Variants in CROCC2 observed in about 807,000 individuals in gnomAD.
The protein encoded by CROCC2 is ciliary rootlet coiled-coil, rootletin family member 2.
CROCC2 carries 163 observed loss-of-function variants against 177.6 expected under a neutral mutation model. The ratio of observed to expected loss-of-function variants is 0.92; its 90% confidence interval spans 0.81 to 1.05. The LOEUF is 1.05. Ranked by LOEUF, CROCC2 falls within the 50% of genes least tolerant of loss-of-function variation. CROCC2 has a pLI of 0.00. For missense variants in CROCC2, 1,929 were observed against 1,797.8 expected, an observed-to-expected ratio of 1.07 and a Z score of -1.32; for synonymous variants, 904 against 787.3, an observed-to-expected ratio of 1.15 and a Z score of -2.48.
rs2059609926 is a variant in CROCC2, at chr2:240,958,695, G to C, written c.2944-606G>C. Reference sequence around the variant, plus strand: ...TCATGTTGAGGACACTGAGGCCCAGGAAGCTGAGACCCCCTGAGCCCCATC... The same window carrying C: ...TCATGTTGAGGACACTGAGGCCCAGCAAGCTGAGACCCCCTGAGCCCCATC... On this transcript the variant is annotated intron_variant, in intron 19 of 31. Transcript: ENST00000690015. The surrounding 1 kb of genome is among the most constrained non-coding windows in gnomAD (Gnocchi z 6.7). 1.1e-5 allele frequency: 7 copies of C among 648,632 alleles called. No individual in the cohort carries two copies. Among genetic ancestry groups the C allele is most frequent in the Non-Finnish European group, 1.3e-5 (7 of 521,914 alleles). 40.2% of individuals were successfully genotyped at this position (648,632 alleles called of 1,614,324 possible).
Position 240,950,481 on chromosome 2 carries a change from C to T in CROCC2, c.2800C>T (p.Leu934Phe). The change falls in exon 18 of 32, where the codon CTT becomes TTT. Residue 934 changes from leucine to phenylalanine, a missense_variant. By Grantham distance (22) the Leu-to-Phe change is conservative. Transcript: ENST00000690015. ...QSLKQERDES[L>F]LQLEHKMQQA... Reference sequence around the variant, plus strand: ...CCTGAAGCAGGAGCGGGACGAGAGCCTTCTCCAACTGGAGCACAAGATGCA... The same window carrying T: ...CCTGAAGCAGGAGCGGGACGAGAGCTTTCTCCAACTGGAGCACAAGATGCA... The T allele has an allele frequency of 6.5e-7, 1 of 1,550,030 alleles. No homozygotes were observed. Among genetic ancestry groups the T allele is most frequent in the Non-Finnish European group, 8.7e-7 (1 of 1,146,692 alleles).
chr2:240,928,353 G>A (rs1019573241), intron 5 of CROCC2, among the ~76,000 whole-genome samples: 3 of 151,948 alleles, frequency 2.0e-5, no homozygotes, highest in Admixed American at 6.6e-5. Context: ...TTTTTTCTCT[G>A]TTTAACTCCG....
At position 240,937,196 on chromosome 2, in the gene CROCC2, G is replaced by A. The variant is rs536586429; in HGVS notation, c.2169+1608G>A. Among the ~76,000 whole-genome samples the A allele has an allele frequency of 5.3e-5, 8 of 152,166 alleles. No homozygotes were observed. In the East Asian group the frequency reaches 1.5e-3, roughly 29 times the overall value. ...GGTATTGTCTGTTTTTTTGGGTTTT[G>A]TTTTTTGTTTTTTTAGCTATTCTGT... is the stretch of plus-strand genomic sequence containing the variant. On this transcript the variant is annotated intron_variant, in intron 14 of 31. Coordinates refer to ENST00000690015, the MANE Select transcript of CROCC2 (RefSeq NM_001351305.2).
In CROCC2 at chr2:240,967,412, G is replaced by A. The variant is rs536684142; in HGVS notation, c.4214G>A (p.Arg1405Gln). The A allele has an allele frequency of 3.7e-4, 393 of 1,071,184 alleles. No individual in the cohort carries two copies. Among genetic ancestry groups the A allele is most frequent in the African/African-American group, 1.1e-3 (71 of 63,964 alleles). The allele number at this position is 1,071,184 out of a possible 1,614,324, so 66.4% of individuals were successfully genotyped here. A position where few individuals can be genotyped will look rare whatever the true frequency, so the allele number is the denominator to read the frequency against. Residue 1405 changes from arginine (R) to glutamine (Q), a missense_variant, in exon 26 of 32, where the codon CGG becomes CAG. This residue lies in a region of CROCC2 where 388 missense variants were observed against 352.7 expected (regional missense o/e 1.10). Transcript: ENST00000690015. ...RLSEAECRCA[R>Q]AQSRVGQLQK... Reference sequence around the variant, plus strand: ...AGCGAGGCAGAGTGCAGGTGTGCCCGGGCCCAGAGCCGCGTGGGGCAGCTG... The same window carrying A: ...AGCGAGGCAGAGTGCAGGTGTGCCCAGGCCCAGAGCCGCGTGGGGCAGCTG...
chr2:240,965,586 C>T (rs2059676370), intron 23 of CROCC2, 50 bp from the exon 24 acceptor site: 1 of 1,549,376 alleles, frequency 6.5e-7, no homozygotes, highest in African/African-American at 1.4e-5. Flanking sequence ...GGAGGCCCAC[C>T]CCACTTCCTC....
At chr2:240,926,829 G>A (rs1045289293) in intron 5 of CROCC2, among the ~76,000 whole-genome samples, 2 of 152,268 alleles carry the variant, frequency 1.3e-5, no homozygotes, top group African/African-American at 4.8e-5. Flanking sequence ...TAGCGTCAGC[G>A]GGAGCCGTGC....
chr2:240,952,026 G>A (rs1438253746), intron 18 of CROCC2, among the ~76,000 whole-genome samples: 1 of 152,198 alleles, frequency 6.6e-6, no homozygotes. Context: ...TGTGTCCCAT[G>A]GGGTGATAAG....
Position 240,925,836 on chromosome 2 carries a change from C to G in CROCC2, c.601C>G (p.Arg201Gly). 1.4e-6 allele frequency: 1 copy of G among 716,098 alleles called. No individual in the cohort carries two copies. Among genetic ancestry groups the G allele is most frequent in the East Asian group, 2.7e-5 (1 of 37,284 alleles). The allele number at this position is 716,098 out of a possible 1,614,324, so 44.4% of individuals were successfully genotyped here. ...GGCCGGGATGACGGGCAGCGTGCAGCGCCTGCAGGGCGAGCTGGAGCTGAG... is the reference window on the plus strand; with the variant it reads ...GGCCGGGATGACGGGCAGCGTGCAGGGCCTGCAGGGCGAGCTGGAGCTGAG... ...ELAGMTGSVQ[R>G]LQGELELRRW... Residue 201 changes from arginine to glycine, a missense_variant, in exon 5 of 32, where the codon CGC (arginine) becomes GGC (glycine). Physicochemically the swap from Arg to Gly is moderately radical, Grantham distance 125. Around this residue, in one of 3 missense-constraint regions of CROCC2, gnomAD observed 1,397 missense variants for 1,239.9 expected, o/e 1.13. Coordinates refer to ENST00000690015, the MANE Select transcript of CROCC2 (RefSeq NM_001351305.2).
intron 14 of CROCC2, among the ~76,000 whole-genome samples, chr2:240,939,285 T>TG (rs1229849183): frequency 6.6e-6 from 1 of 152,188 alleles, no homozygotes; most frequent in African/African-American, 2.4e-5. Flanking sequence ...CTCCTCATGT[T>TG]GTTAATGTAG....
At chr2:240,933,023 GC>G in intron 9 of CROCC2, 107 bp from the exon 10 acceptor site, 1 of 1,017,646 alleles carries the variant, frequency 9.8e-7, no homozygotes, top group Non-Finnish European at 1.4e-6. Context: ...CCAGGGAGGG[GC>G]CCCAGTGTCG....
At chr2:240,939,338 A>G (rs75576639) in intron 14 of CROCC2, among the ~76,000 whole-genome samples, 2,203 of 152,266 alleles carry the variant, frequency 0.014, 49 homozygotes, top group African/African-American at 0.05. Context: ...ACTTGCATAC[A>G]TAATAAGCCC....
At position 240,949,327 on chromosome 2, in the gene CROCC2, C is replaced by A; in HGVS notation, c.2483-206C>A. 1.6e-6 allele frequency: 1 copy of A among 632,868 alleles called. No homozygotes were observed. Among genetic ancestry groups the A allele is most frequent in the Non-Finnish European group, 2.0e-6 (1 of 507,860 alleles). The allele number at this position is 632,868 out of a possible 1,614,324, so 39.2% of individuals were successfully genotyped here. ...TGCCAGCCTGAGGCTTAGAACTGGG[C>A]TCTGGCCACAGGGTCAGCATGTAGC... is the stretch of plus-strand genomic sequence containing the variant. On this transcript the variant is annotated intron_variant, in intron 16 of 31. Transcript: ENST00000690015. This position sits in a 1 kb window ranked among gnomAD's most constrained non-coding sequence, Gnocchi z 4.5.
intron 14 of CROCC2, among the ~76,000 whole-genome samples, chr2:240,937,656 A>G (rs913024753): frequency 1.3e-5 from 2 of 152,308 alleles, no homozygotes; most frequent in Admixed American, 6.5e-5. Flanking sequence ...TCACATTTGG[A>G]TCTATGATCC....
chr2:240,964,458 C>T lies in CROCC2; in HGVS notation c.3306-8C>T. The T allele has an allele frequency of 1.3e-6, 2 of 1,548,402 alleles. No homozygotes were observed. The highest frequency in any genetic ancestry group is 1.7e-6 in the Non-Finnish European group (2 of 1,146,744). Reference sequence around the variant, plus strand: ...TGCGGGGGCCCCAGCCTGTGGCACCCTCGTCAGTTTTAAGCGGTCCAAGGA... The same window carrying T: ...TGCGGGGGCCCCAGCCTGTGGCACCTTCGTCAGTTTTAAGCGGTCCAAGGA... On this transcript the variant is annotated splice_region_variant and splice_polypyrimidine_tract_variant and intron_variant, in intron 21 of 31. Transcript: ENST00000690015.
chr2:240,952,315 CAAAA>C, intron 18 of CROCC2, among the ~76,000 whole-genome samples: 1 of 113,516 alleles, frequency 8.8e-6, no homozygotes, highest in East Asian at 2.6e-4. Flanking sequence ...TACTCCTTCT[CAAAA>C]AAAAAAAAAA....
At chr2:240,956,010 C>T in intron 19 of CROCC2, 38 bp downstream of exon 19, 1 of 1,445,520 alleles carries the variant, frequency 6.9e-7, no homozygotes. Context: ...CACAGCCAAG[C>T]AGGTGCTGGC....
intron 1 of CROCC2, among the ~76,000 whole-genome samples, chr2:240,916,561 C>T (rs1025248910): frequency 5.9e-4 from 89 of 150,690 alleles, no homozygotes; most frequent in Middle Eastern, 3.5e-3. Flanking sequence ...CCCCGCGCCC[C>T]CCTCCGGCTC....
intron 5 of CROCC2, among the ~76,000 whole-genome samples, chr2:240,927,762 C>T (rs142738342): frequency 0.014 from 2,187 of 152,278 alleles, 49 homozygotes; most frequent in African/African-American, 0.05. Context: ...ACGATTCTCC[C>T]GCCTCAACCT....
chr2:240,963,649 CT>C lies in CROCC2; in HGVS notation c.3182del (p.Leu1061ArgfsTer12). 1.3e-6 allele frequency: 2 copies of C among 1,549,938 alleles called. No individual in the cohort carries two copies. The highest frequency in any genetic ancestry group is 2.4e-5 in the East Asian group (1 of 40,906). On this transcript the variant is annotated frameshift_variant, in exon 21 of 32. Transcript: ENST00000690015. LOFTEE classifies it high-confidence loss of function. ...GGGCGTCGAGGAGAGCCGGGAGGGG[CT>C]GCACAGGGAGGCCCAGGAGGCCCGC... ...LQGVEESREG[L>X]HREAQEARRA...
Sources: gnomAD v4.1 joint callset for allele counts (sites outside exome capture counted in the v4.1 genomes callset) on GRCh38, gnomAD v4.1.1 for gene constraint, gnomAD v4.1.1 regional missense constraint, Gnocchi (gnomAD v3.1) non-coding constraint, MANE v1.5 for transcripts, NCBI Gene and HGNC (gene_info 2026-07-23, HGNC 2026-07-21) for gene names.